ESR1: variants seen among roughly 807,000 people sequenced by gnomAD.
ESR1 encodes the protein estrogen receptor 1.
In ESR1, 12 loss-of-function variants were observed where a neutral mutation model predicts 52.7. The ratio of observed to expected loss-of-function variants is 0.23; its 90% confidence interval spans 0.15 to 0.37. ESR1 has a LOEUF of 0.37. Ranked by LOEUF, ESR1 falls within the 10% of genes least tolerant of loss-of-function variation. The pLI is 1.00. For synonymous variants in ESR1, 305 were observed against 316.8 expected, an observed-to-expected ratio of 0.96 and a Z score of 0.39; for missense variants, 584 against 779.7, an observed-to-expected ratio of 0.75 and a Z score of 2.99.
intron 2 of ESR1, among the ~76,000 whole-genome samples, chr6:151,737,648 T>C (rs1305739171): frequency 6.6e-6 from 1 of 152,104 alleles, no homozygotes; most frequent in African/African-American, 2.4e-5. Flanking sequence ...CATCCATCAG[T>C]AACCCTCTCA....
rs964854633 is a variant in ESR1, at chr6:152,043,714, G to A, written c.1236-17277G>A. Among the ~76,000 whole-genome samples the A allele has an allele frequency of 5.3e-5, 8 of 152,154 alleles. No homozygotes were observed. In the South Asian group the frequency reaches 6.2e-4, roughly 12 times the overall value. ...GAGGGGATGTTGCCTCCCCTCTGTTGCCTGTTTCCTCTGGTAAAAAAGATT... is the reference window on the plus strand; with the variant it reads ...GAGGGGATGTTGCCTCCCCTCTGTTACCTGTTTCCTCTGGTAAAAAAGATT... On this transcript the variant is annotated intron_variant, in intron 5 of 7. Transcript: ENST00000206249.
At chr6:151,800,764 G>T (rs1777160889), upstream of ESR1, among the ~76,000 whole-genome samples, 1 of 152,104 alleles carries the variant, frequency 6.6e-6, no homozygotes, top group African/African-American at 2.4e-5. Flanking sequence ...TTTTTTGAGT[G>T]AATTGAATGA....
At chr6:152,125,494 C>A in exon 7 of ESR1, 2 of 1,171,304 alleles carry the variant, frequency 1.7e-6, no homozygotes, top group Non-Finnish European at 2.3e-6. Context: ...TGCAATGATT[C>A]AATGGTTTGC....
intron 2 of ESR1, among the ~76,000 whole-genome samples, chr6:151,715,976 C>G (rs897135129): frequency 6.6e-6 from 1 of 152,208 alleles, no homozygotes; most frequent in African/African-American, 2.4e-5. Flanking sequence ...ATGGATTTAT[C>G]TACCTTTGGT....
At chr6:152,006,073 C>T (rs1364695370) in intron 4 of ESR1, among the ~76,000 whole-genome samples, 3 of 151,990 alleles carry the variant, frequency 2.0e-5, no homozygotes, top group African/African-American at 7.2e-5. Flanking sequence ...AGAATAGTCA[C>T]AGTGATGGTG....
At chr6:151,842,150 C>G (rs1043981874) in intron 1 of ESR1, among the ~76,000 whole-genome samples, 4 of 152,150 alleles carry the variant, frequency 2.6e-5, no homozygotes, top group Non-Finnish European at 5.9e-5. Context: ...ATTTTTTTGA[C>G]ACATGTTCTG....
chr6:152,034,834 C>A (rs748489680), intron 5 of ESR1, among the ~76,000 whole-genome samples: 3 of 152,176 alleles, frequency 2.0e-5, no homozygotes, highest in Admixed American at 6.5e-5. Context: ...TGGGTACAAG[C>A]AAACACAGCA....
At position 151,899,344 on chromosome 6, in the gene ESR1, G is replaced by C. The variant is rs921174853; in HGVS notation, c.760+18573G>C. ...TCCCGGACGGGGCGGCTGGCCAGGCGGGGGGCTGACCCCCCCACCTCCTTC... is the reference window on the plus strand; with the variant it reads ...TCCCGGACGGGGCGGCTGGCCAGGCCGGGGGCTGACCCCCCCACCTCCTTC... On this transcript the variant is annotated intron_variant, in intron 3 of 7. Transcript: ENST00000206249. Among the ~76,000 whole-genome samples, 3 of 111,862 alleles carry C rather than the reference G, an allele frequency of 2.7e-5. 1 individual carries two copies. The highest frequency in any genetic ancestry group is 8.6e-5 in the African/African-American group (2 of 23,274). The allele number at this position is 111,862 out of a possible 152,430, so 73.4% of individuals were successfully genotyped here. A position where few individuals can be genotyped will look rare whatever the true frequency, so the allele number is the denominator to read the frequency against.
intron 2 of ESR1, among the ~76,000 whole-genome samples, chr6:151,795,487 CAAAAAA>C (rs61142527): frequency 1.2e-5 from 1 of 83,338 alleles, no homozygotes. Context: ...GACTCCATCT[CAAAAAA>C]AAAAAAAAAA....
intron 5 of ESR1, among the ~76,000 whole-genome samples, chr6:152,028,166 G>A (rs1425145054): frequency 6.6e-6 from 1 of 152,038 alleles, no homozygotes; most frequent in African/African-American, 2.4e-5. Context: ...ATAGGGGGCG[G>A]TTCCAAGATG....
intron 2 of ESR1, among the ~76,000 whole-genome samples, chr6:151,723,011 G>A (rs1263760373): frequency 1.3e-5 from 2 of 152,162 alleles, no homozygotes; most frequent in Non-Finnish European, 2.9e-5. Flanking sequence ...GGTGTGGTGG[G>A]CACTGAGCAT....
At chr6:151,922,486 T>A (rs1042779384) in intron 3 of ESR1, among the ~76,000 whole-genome samples, 1 of 152,208 alleles carries the variant, frequency 6.6e-6, no homozygotes, top group Non-Finnish European at 1.5e-5. Flanking sequence ...TATTTATGCT[T>A]TGGGTACAGT....
chr6:151,689,098 C>T (rs1778799483), upstream of ESR1, among the ~76,000 whole-genome samples: 1 of 152,118 alleles, frequency 6.6e-6, no homozygotes, highest in African/African-American at 2.4e-5. Context: ...ATTTTGAGAA[C>T]TGTTGCTCTA....
chr6:151,826,507 A>C (rs1223883038), intron 1 of ESR1, among the ~76,000 whole-genome samples: 4 of 152,216 alleles, frequency 2.6e-5, no homozygotes, highest in African/African-American at 9.6e-5. Context: ...TTCCTACTGG[A>C]TACTTGATCC....
At chr6:151,834,571 G>A (rs932354157) in intron 1 of ESR1, among the ~76,000 whole-genome samples, 3 of 152,086 alleles carry the variant, frequency 2.0e-5, no homozygotes, top group African/African-American at 7.2e-5. Context: ...CTAAGGGAGT[G>A]ATAGCATTAG....
At chr6:151,986,588 T>C (rs2040504688) in intron 4 of ESR1, among the ~76,000 whole-genome samples, 1 of 152,152 alleles carries the variant, frequency 6.6e-6, no homozygotes, top group Non-Finnish European at 1.5e-5. Context: ...TTAGATCTAT[T>C]TTTGAAAACT....
At chr6:151,854,667 A>G (rs953214787) in intron 2 of ESR1, among the ~76,000 whole-genome samples, 1 of 152,132 alleles carries the variant, frequency 6.6e-6, no homozygotes, top group Non-Finnish European at 1.5e-5. Flanking sequence ...ATGAGTAGAG[A>G]ATTTCTAAAT....
chr6:152,048,734 G>T (rs892479156), intron 5 of ESR1, among the ~76,000 whole-genome samples: 7 of 152,100 alleles, frequency 4.6e-5, no homozygotes, highest in African/African-American at 1.7e-4. Context: ...ATATACAATG[G>T]ACTAAAAAAT....
intron 2 of ESR1, among the ~76,000 whole-genome samples, chr6:151,771,075 GA>G (rs1785472963): frequency 6.6e-6 from 1 of 152,164 alleles, no homozygotes; most frequent in South Asian, 2.1e-4. Context: ...TAAATCACTG[GA>G]AAATAGTGTC....
Sources: gnomAD v4.1 joint callset for allele counts (sites outside exome capture counted in the v4.1 genomes callset) on GRCh38, gnomAD v4.1.1 for gene constraint, MANE v1.5 for transcripts, NCBI Gene and HGNC (gene_info 2026-07-23, HGNC 2026-07-21) for gene names.